HCN1: variants seen among roughly 807,000 people sequenced by gnomAD.
The protein encoded by HCN1 is potassium/sodium hyperpolarization-activated cyclic nucleotide-gated channel 1.
Under a neutral mutation model 78.9 loss-of-function variants are expected in HCN1, and 13 were observed. The ratio of observed to expected loss-of-function variants is 0.16; its 90% CI spans 0.11 to 0.26. The LOEUF (loss-of-function observed/expected upper bound fraction) is 0.26. HCN1 is among the 10% of genes least tolerant of loss of function. HCN1 has a pLI of 1.00. For synonymous variants in HCN1, 552 were observed against 455.5 expected (o/e 1.21, Z -2.70); for missense variants, 810 against 1,154.3 (o/e 0.70, Z 4.32).
At chr5:45,279,604 A>G (rs2111865822) in intron 6 of HCN1, among the ~76,000 whole-genome samples, 1 of 152,258 alleles carries the variant, frequency 6.6e-6, no homozygotes, top group East Asian at 1.9e-4. Flanking sequence ...CTAACGAATT[A>G]GTAGAATAGT....
chr5:45,490,237 T>G (rs1169210711), intron 2 of HCN1, among the ~76,000 whole-genome samples: 1 of 152,122 alleles, frequency 6.6e-6, no homozygotes, highest in Admixed American at 6.6e-5. Context: ...TACAGATACA[T>G]TTGCAGGTTA....
chr5:45,573,212 T>C (rs1743868926), intron 2 of HCN1, among the ~76,000 whole-genome samples: 1 of 152,134 alleles, frequency 6.6e-6, no homozygotes. Flanking sequence ...ATCATTTTCT[T>C]CGAAATCTAT....
At chr5:45,685,787 G>A (rs1739797322) in intron 1 of HCN1, among the ~76,000 whole-genome samples, 1 of 152,102 alleles carries the variant, frequency 6.6e-6, no homozygotes, top group Non-Finnish European at 1.5e-5. Context: ...ATAAAATATG[G>A]CATTGCACAT....
intron 2 of HCN1, among the ~76,000 whole-genome samples, chr5:45,554,982 T>C (rs1271185882): frequency 6.6e-6 from 1 of 151,826 alleles, no homozygotes; most frequent in Non-Finnish European, 1.5e-5. Flanking sequence ...TGTTTTGATA[T>C]GGCTGCTCCA....
At chr5:45,416,463 T>A (rs1740121670) in intron 3 of HCN1, among the ~76,000 whole-genome samples, 1 of 152,028 alleles carries the variant, frequency 6.6e-6, no homozygotes, top group African/African-American at 2.4e-5. Flanking sequence ...CCTGACAAGC[T>A]ACACAGCAGA....
chr5:45,586,158 G>A (rs1374182328), intron 2 of HCN1, among the ~76,000 whole-genome samples: 4 of 152,258 alleles, frequency 2.6e-5, no homozygotes, highest in East Asian at 1.9e-4. Context: ...TCCTTGAGCC[G>A]CAGCTGGGCT....
At chr5:45,639,651 A>T (rs1294303331) in intron 2 of HCN1, among the ~76,000 whole-genome samples, 1 of 152,204 alleles carries the variant, frequency 6.6e-6, no homozygotes, top group East Asian at 1.9e-4. Context: ...ATCATATTTC[A>T]TTAACCGATA....
At chr5:45,311,339 T>C (rs1052839437) in intron 5 of HCN1, among the ~76,000 whole-genome samples, 1 of 152,142 alleles carries the variant, frequency 6.6e-6, no homozygotes, top group Non-Finnish European at 1.5e-5. Flanking sequence ...TTAAAAGATC[T>C]CAAGTTGCCC....
At chr5:45,646,256 C>G (rs928601301) in intron 1 of HCN1, among the ~76,000 whole-genome samples, 1 of 151,876 alleles carries the variant, frequency 6.6e-6, no homozygotes, top group African/African-American at 2.4e-5. Flanking sequence ...AAGTTCTACT[C>G]CATATTTGAA....
At chr5:45,433,940 T>C (rs1270480743) in intron 3 of HCN1, among the ~76,000 whole-genome samples, 1 of 152,104 alleles carries the variant, frequency 6.6e-6, no homozygotes, top group Non-Finnish European at 1.5e-5. Context: ...ATAAAAATAG[T>C]TGGTTTATCC....
chr5:45,583,155 T>G (rs1420749124), intron 2 of HCN1, among the ~76,000 whole-genome samples: 1 of 152,180 alleles, frequency 6.6e-6, no homozygotes. Context: ...CATCTGGTCC[T>G]GGACTTTATT....
chr5:45,292,060 T>A (rs926359743), intron 6 of HCN1, among the ~76,000 whole-genome samples: 3 of 151,958 alleles, frequency 2.0e-5, no homozygotes, highest in Non-Finnish European at 4.4e-5. Context: ...ATTTTCAATA[T>A]CCATTTGTTG....
intron 3 of HCN1, among the ~76,000 whole-genome samples, chr5:45,433,477 G>A (rs1009174164): frequency 4.6e-5 from 7 of 151,602 alleles, no homozygotes; most frequent in South Asian, 4.2e-4. Flanking sequence ...CGCTGCACAC[G>A]AGATGGGTCT....
chr5:45,265,309 T>C (rs2111843960), intron 7 of HCN1, among the ~76,000 whole-genome samples: 1 of 152,330 alleles, frequency 6.6e-6, no homozygotes, highest in East Asian at 1.9e-4. Context: ...TCTAGCTGGT[T>C]TAGGAAGAAA....
chr5:45,645,238 A>G lies in HCN1; in HGVS notation c.796T>C (p.Leu266=), dbSNP rs770315752. 5 of 1,613,636 alleles carry G rather than the reference A, an allele frequency of 3.1e-6. No homozygotes were observed. The highest frequency in any genetic ancestry group is 3.4e-6 in the Non-Finnish European group (4 of 1,179,780). Residue 266 remains leucine, a synonymous_variant, in exon 2 of 8, where the codon TTG becomes CTG. Coordinates refer to ENST00000303230, the MANE Select transcript of HCN1 (RefSeq NM_021072.4). ...IVRFTKILSL[L]RLLRLSRLIR... ...AACCTTGAAAGTCGTAATAAACGCAAGAGACTGAGAATTTTTGTAAACCTC... is the reference window on the plus strand; with the variant it reads ...AACCTTGAAAGTCGTAATAAACGCAGGAGACTGAGAATTTTTGTAAACCTC...
At chr5:45,306,353 C>T (rs1228250238) in intron 5 of HCN1, among the ~76,000 whole-genome samples, 1 of 152,024 alleles carries the variant, frequency 6.6e-6, no homozygotes, top group Non-Finnish European at 1.5e-5. Flanking sequence ...GATCTTTAGT[C>T]ATATGAATAA....
chr5:45,614,870 C>G (rs774713446), intron 2 of HCN1, among the ~76,000 whole-genome samples: 5 of 151,522 alleles, frequency 3.3e-5, no homozygotes, highest in African/African-American at 4.8e-5. Context: ...ACCCAACTCC[C>G]AATAATTTGA....
At chr5:45,433,994 A>G (rs1358160159) in intron 3 of HCN1, among the ~76,000 whole-genome samples, 2 of 152,216 alleles carry the variant, frequency 1.3e-5, no homozygotes, top group Non-Finnish European at 1.5e-5. Context: ...TAATCCATGC[A>G]TGGTATATTA....
At chr5:45,328,989 G>T (rs1746289767) in intron 5 of HCN1, among the ~76,000 whole-genome samples, 1 of 151,600 alleles carries the variant, frequency 6.6e-6, no homozygotes, top group Non-Finnish European at 1.5e-5. Flanking sequence ...TGTTTTAAAT[G>T]TATTGTATGT....
Sources: gnomAD v4.1 joint callset for allele counts (sites outside exome capture counted in the v4.1 genomes callset) on GRCh38, gnomAD v4.1.1 for gene constraint, MANE v1.5 for transcripts, NCBI Gene and HGNC (gene_info 2026-07-23, HGNC 2026-07-21) for gene names.